The following ADGRF5 variants were observed in gnomAD, a reference collection of about 807,000 sequenced individuals.
The protein encoded by ADGRF5 is G-protein coupled receptor 116.
Under a neutral mutation model 132.3 loss-of-function variants are expected in ADGRF5, and 75 were observed. That is an observed-to-expected ratio of 0.57 (90% confidence interval 0.47 to 0.69). The LOEUF (loss-of-function observed/expected upper bound fraction) is 0.69. Among genes scored for constraint, ADGRF5 ranks in the 30% least tolerant of loss-of-function variants. ADGRF5 has a pLI of 0.00. For synonymous variants in ADGRF5, 629 were observed against 597.6 expected, an observed-to-expected ratio of 1.05 and a Z score of -0.77; for missense variants, 1,516 against 1,630.6, an observed-to-expected ratio of 0.93 and a Z score of 1.21.
chr6:46,948,143 C>T (rs1182633006), intron 1 of ADGRF5, among the ~76,000 whole-genome samples: 1 of 152,198 alleles, frequency 6.6e-6, no homozygotes, highest in African/African-American at 2.4e-5. Flanking sequence ...AAAAGCTTTG[C>T]TTGTAAAGTG....
chr6:46,881,718 T>C (rs1772488639), intron 7 of ADGRF5, 121 bp from the exon 8 acceptor site: 2 of 752,208 alleles, frequency 2.7e-6, no homozygotes, highest in African/African-American at 1.8e-5. Context: ...TGCAAATCTA[T>C]GGATCTGACT....
intron 6 of ADGRF5, among the ~76,000 whole-genome samples, chr6:46,882,765 G>A (rs1379491405): frequency 6.6e-6 from 1 of 152,250 alleles, no homozygotes; most frequent in Non-Finnish European, 1.5e-5. Flanking sequence ...TGCCAGAAAT[G>A]TAAATCAAAC....
intron 1 of ADGRF5, among the ~76,000 whole-genome samples, chr6:46,910,839 C>T (rs113562180): frequency 1.3e-5 from 2 of 152,114 alleles, no homozygotes; most frequent in African/African-American, 4.8e-5. Flanking sequence ...TCTCTCTGAG[C>T]CTGTTTTCTT....
At chr6:46,913,365 G>C (rs1285800675) in intron 1 of ADGRF5, among the ~76,000 whole-genome samples, 18 of 152,160 alleles carry the variant, frequency 1.2e-4, no homozygotes, top group Non-Finnish European at 1.6e-4. Flanking sequence ...CAGGCATTGT[G>C]GTGGACACCT....
chr6:46,867,183 C>A, intron 12 of ADGRF5, 46 bp from the exon 13 acceptor site: 1 of 1,118,542 alleles, frequency 8.9e-7, no homozygotes, highest in Non-Finnish European at 1.4e-6. Flanking sequence ...AATAATCGCC[C>A]TTCAAAAGCA....
intron 3 of ADGRF5, among the ~76,000 whole-genome samples, chr6:46,895,234 A>G (rs188654409): frequency 3.9e-5 from 6 of 152,286 alleles, no homozygotes; most frequent in Admixed American, 2.6e-4. Flanking sequence ...TATAGTTAAA[A>G]AAACAAACAA....
chr6:46,895,176 C>CA lies in ADGRF5; in HGVS notation c.157+4852dup, dbSNP rs546635310. On this transcript the variant is annotated intron_variant, in intron 3 of 20. Coordinates refer to ENST00000283296, the MANE Select transcript of ADGRF5 (RefSeq NM_001098518.2). Reference sequence around the variant, plus strand: ...TGAGTGACACAGTGAGACTCTGTCTCAAAAAAAAAGAAACGCTAACATTAT... The same window carrying CA: ...TGAGTGACACAGTGAGACTCTGTCTCAAAAAAAAAAGAAACGCTAACATTAT... Among the ~76,000 whole-genome samples, 108 of 149,022 alleles carry CA rather than the reference C, an allele frequency of 7.2e-4. 1 individual carries two copies. The highest frequency in any genetic ancestry group is 1.1e-3 in the Non-Finnish European group (77 of 67,262).
chr6:46,905,102 A>G (rs553261247), intron 2 of ADGRF5, among the ~76,000 whole-genome samples: 1 of 152,310 alleles, frequency 6.6e-6, no homozygotes, highest in South Asian at 2.1e-4. Context: ...TGCAGCCAGG[A>G]GCACTAAGAA....
intron 1 of ADGRF5, among the ~76,000 whole-genome samples, chr6:46,917,897 T>C (rs1462491978): frequency 6.6e-6 from 1 of 152,244 alleles, no homozygotes; most frequent in Non-Finnish European, 1.5e-5. Flanking sequence ...TCAAGTATAA[T>C]AATTAAAACA....
At position 46,856,876 on chromosome 6, in the gene ADGRF5, C is replaced by G; in HGVS notation, c.3807G>C (p.Trp1269Cys). ...GLFILLFGCL[W>C]DLKVQEALLN... Reference sequence around the variant, plus strand: ...CTGTCATTGCTCTTACCTTCAGATCCCAGAGGCATCCAAAGAGTAAAATGA... The same window carrying G: ...CTGTCATTGCTCTTACCTTCAGATCGCAGAGGCATCCAAAGAGTAAAATGA... The change falls in exon 18 of 21, where the codon TGG becomes TGC. Residue 1269 changes from tryptophan (W) to cysteine (C), a missense_variant. Trp to Cys is a radical substitution (Grantham distance 215, BLOSUM62 -2). Coordinates refer to ENST00000283296, the MANE Select transcript of ADGRF5 (RefSeq NM_001098518.2). 1.9e-6 allele frequency: 3 copies of G among 1,610,114 alleles called. No homozygotes were observed. Among genetic ancestry groups the G allele is most frequent in the Non-Finnish European group, 2.5e-6 (3 of 1,178,278 alleles).
At chr6:46,926,693 A>G (rs1423370684), upstream of ADGRF5, among the ~76,000 whole-genome samples, 1 of 152,080 alleles carries the variant, frequency 6.6e-6, no homozygotes, top group East Asian at 1.9e-4. Flanking sequence ...GAAATACGTC[A>G]CCCACATGCC....
In ADGRF5 at chr6:46,858,723, G is replaced by A. The variant is rs1562138328; in HGVS notation, c.3180C>T (p.Ser1060=). Residue 1060 remains serine (S), a synonymous_variant, in exon 17 of 21, where the codon TCC becomes TCT. Transcript: ENST00000283296. Reference sequence around the variant, plus strand: ...TGAACCAGGTGTTGGCGACCAGAAGGGAGGCAGCGATATTCACTATGCAGG... The same window carrying A: ...TGAACCAGGTGTTGGCGACCAGAAGAGAGGCAGCGATATTCACTATGCAGG... ...RHTCIVNIAA[S]LLVANTWFIV... is the part of the protein sequence containing the mutation. 1 of 1,614,104 alleles carries A rather than the reference G, an allele frequency of 6.2e-7. No individual in the cohort carries two copies. The highest frequency in any genetic ancestry group is 2.2e-5 in the East Asian group (1 of 44,864).
chr6:46,862,703 C>CTCTTTTTTTTTTTTTTTT (rs1769908543), intron 15 of ADGRF5, among the ~76,000 whole-genome samples, 185 bp downstream of exon 15: 1 of 26,506 alleles, frequency 3.8e-5, no homozygotes, highest in Non-Finnish European at 6.0e-5. Flanking sequence ...TGAATTGAGG[C>CTCTTTTTTTTTTTTTTTT]TTTTTTTTTT....
chr6:46,863,185 T>A, intron 14 of ADGRF5, 89 bp from the exon 15 acceptor site: 1 of 974,324 alleles, frequency 1.0e-6, no homozygotes, highest in Non-Finnish European at 1.6e-6. Flanking sequence ...AATTTTGATG[T>A]TTGAATTCAC....
At chr6:46,949,678 A>G (rs1778425637) in intron 1 of ADGRF5, among the ~76,000 whole-genome samples, 1 of 152,206 alleles carries the variant, frequency 6.6e-6, no homozygotes, top group Non-Finnish European at 1.5e-5. Flanking sequence ...ATATCCATGT[A>G]GTCATATTTC....
At chr6:46,947,252 G>A (rs1778331611) in intron 1 of ADGRF5, among the ~76,000 whole-genome samples, 6 of 152,084 alleles carry the variant, frequency 3.9e-5, no homozygotes, top group Admixed American at 3.9e-4. Flanking sequence ...CCTTCCCTAG[G>A]GACAGGGAAC....
intron 3 of ADGRF5, among the ~76,000 whole-genome samples, chr6:46,894,552 C>T (rs1278162130): frequency 1.3e-5 from 2 of 152,160 alleles, no homozygotes; most frequent in Non-Finnish European, 2.9e-5. Context: ...CAAAGCTGTT[C>T]CAAGAGCCAT....
intron 1 of ADGRF5, among the ~76,000 whole-genome samples, chr6:46,946,023 C>T (rs1264545073): frequency 6.6e-6 from 1 of 152,142 alleles, no homozygotes; most frequent in Non-Finnish European, 1.5e-5. Context: ...GGGATTATTA[C>T]AGCTCAAGGT....
At chr6:46,936,350 C>G (rs1430070726) in intron 1 of ADGRF5, among the ~76,000 whole-genome samples, 2 of 152,184 alleles carry the variant, frequency 1.3e-5, no homozygotes, top group Non-Finnish European at 2.9e-5. Context: ...TCATATGGTG[C>G]TGAGGTCCTT....
Sources: gnomAD v4.1 joint callset for allele counts (sites outside exome capture counted in the v4.1 genomes callset) on GRCh38, gnomAD v4.1.1 for gene constraint, MANE v1.5 for transcripts, NCBI Gene and HGNC (gene_info 2026-07-23, HGNC 2026-07-21) for gene names.